CSMD1: variants seen among roughly 807,000 people sequenced by gnomAD.
CSMD1 encodes CUB and sushi domain-containing protein 1.
A neutral mutation model predicts 417.5 loss-of-function variants in CSMD1; 213 were observed. The observed-to-expected ratio is 0.51, with a 90% confidence interval of 0.46 to 0.57. The LOEUF is 0.57. Among genes scored for constraint, CSMD1 ranks in the 20% least tolerant of loss-of-function variants. The probability of loss-of-function intolerance (pLI) is 0.00; values close to 1 mark genes in which losing one functional copy is unlikely to be tolerated. For synonymous variants in CSMD1, 2,862 were observed against 1,736.8 expected (o/e 1.65, Z -16.11); for missense variants, 6,923 against 4,529.7 (o/e 1.53, Z -15.17).
chr8:3,568,628 C>A lies in CSMD1; in HGVS notation c.1344+6317G>T, dbSNP rs548651815. ...ATTTATCTTTATATGTATTTGAGAGCTATATAACAGAAACTTTTAACTTAG... is the reference window on the plus strand; with the variant it reads ...ATTTATCTTTATATGTATTTGAGAGATATATAACAGAAACTTTTAACTTAG... On this transcript the variant is annotated intron_variant, in intron 10 of 69. Transcript: ENST00000635120. Among the ~76,000 whole-genome samples, 11 of 152,076 alleles carry A rather than the reference C, an allele frequency of 7.2e-5. No individual in the cohort carries two copies. In the South Asian group the frequency reaches 1.9e-3, roughly 26 times the overall value.
chr8:4,105,471 T>C (rs1390744472), intron 3 of CSMD1, among the ~76,000 whole-genome samples: 1 of 152,240 alleles, frequency 6.6e-6, no homozygotes, highest in Non-Finnish European at 1.5e-5. Flanking sequence ...TAAATAATTA[T>C]ATACTGAGGA....
rs59307229 is a variant in CSMD1 at position 3,534,044 on chromosome 8, G to A, written c.1345-40318C>T. On this transcript the variant is annotated intron_variant, in intron 10 of 69. Coordinates refer to ENST00000635120, the MANE Select transcript of CSMD1 (RefSeq NM_033225.6). ...GAATATTCTATGAATAAAAGTCATTGCTTGAAGTTACTAGTTTTGACTTCC... is the reference window on the plus strand; with the variant it reads ...GAATATTCTATGAATAAAAGTCATTACTTGAAGTTACTAGTTTTGACTTCC... Among the ~76,000 whole-genome samples the A allele has an allele frequency of 8.1e-3, 1,235 of 152,234 alleles. 18 individuals are homozygous for A. Among genetic ancestry groups the A allele is most frequent in the African/African-American group, 0.029 (1,204 of 41,538 alleles).
At position 3,824,321 on chromosome 8, in the gene CSMD1, A is replaced by G. The variant is rs184269712; in HGVS notation, c.819-70279T>C. On this transcript the variant is annotated intron_variant, in intron 5 of 69. Transcript: ENST00000635120. ...CAAACGGGCACAACAGCCTAGGAAT[A>G]CTGAGAGGTTGCCAGATACTATGTG... Among the ~76,000 whole-genome samples, 450 of 152,324 alleles carry G rather than the reference A, an allele frequency of 3.0e-3. 1 individual carries two copies. Among genetic ancestry groups the G allele is most frequent in the Non-Finnish European group, 4.4e-3 (297 of 68,032 alleles).
chr8:3,175,461 TCC>T (rs1820853547), intron 37 of CSMD1, among the ~76,000 whole-genome samples: 1 of 106,792 alleles, frequency 9.4e-6, no homozygotes, highest in Non-Finnish European at 2.1e-5. Flanking sequence ...CTTCCTTCTT[TCC>T]TTCCTTCTTT....
chr8:4,837,212 G>T (rs1435811563), intron 1 of CSMD1, among the ~76,000 whole-genome samples: 2 of 152,104 alleles, frequency 1.3e-5, no homozygotes, highest in African/African-American at 4.8e-5. Flanking sequence ...ATACTATTGG[G>T]AAGAATGTAA....
In CSMD1 at chr8:4,218,315, G is replaced by C. The variant is rs1224658334; in HGVS notation, c.416-186216C>G. 2.0e-5 allele frequency among the ~76,000 whole-genome samples: 3 copies of C among 152,216 alleles called. No homozygotes were observed. The East Asian group carries it at 5.8e-4, about 29-fold the overall frequency. On this transcript the variant is annotated intron_variant, in intron 3 of 69. Coordinates refer to ENST00000635120, the MANE Select transcript of CSMD1 (RefSeq NM_033225.6). ...GACTTTCCTATACTGTGAATTCTTA[G>C]CCTATTCATTAATGCAGAATATTCA...
chr8:3,394,000 T>TAATAATA (rs1181919840), intron 17 of CSMD1, among the ~76,000 whole-genome samples: 1 of 29,418 alleles, frequency 3.4e-5, no homozygotes, highest in Non-Finnish European at 8.2e-5. Flanking sequence ...ATAATAATAA[T>TAATAATA]AAAAAAATAA....
intron 18 of CSMD1, among the ~76,000 whole-genome samples, chr8:3,385,461 G>C (rs1414188855): frequency 6.6e-6 from 1 of 151,704 alleles, no homozygotes; most frequent in Non-Finnish European, 1.5e-5. Flanking sequence ...GTTGCTAAAA[G>C]TCAACTATCT....
chr8:4,213,149 A>G (rs537283758), intron 3 of CSMD1, among the ~76,000 whole-genome samples: 1 of 152,254 alleles, frequency 6.6e-6, no homozygotes, highest in East Asian at 1.9e-4. Flanking sequence ...AAAATTTCTT[A>G]CTAGGATATA....
At chr8:3,987,780 C>A (rs1033029514) in intron 5 of CSMD1, among the ~76,000 whole-genome samples, 1 of 152,222 alleles carries the variant, frequency 6.6e-6, no homozygotes, top group African/African-American at 2.4e-5. Context: ...AAAGCAGGCT[C>A]TGCGCCACGT....
chr8:3,820,963 C>G (rs1239802453), intron 5 of CSMD1, among the ~76,000 whole-genome samples: 1 of 151,980 alleles, frequency 6.6e-6, no homozygotes, highest in African/African-American at 2.4e-5. Flanking sequence ...GCTGCCCAAG[C>G]TGGAGTGCAA....
intron 5 of CSMD1, among the ~76,000 whole-genome samples, chr8:3,929,225 A>T (rs1408963163): frequency 6.7e-6 from 1 of 150,358 alleles, no homozygotes; most frequent in African/African-American, 2.5e-5. Flanking sequence ...TCTTACATAA[A>T]GGAGGTGTTT....
At position 4,621,950 on chromosome 8, in the gene CSMD1, C is replaced by A. The variant is rs531456861; in HGVS notation, c.302+15392G>T. ...AAAAATACTACCATTTTAATTGATG[C>A]CAAAATCATATGAAAAAATTACATA... is the stretch of plus-strand genomic sequence containing the variant. On this transcript the variant is annotated intron_variant, in intron 2 of 69. Coordinates refer to ENST00000635120, the MANE Select transcript of CSMD1 (RefSeq NM_033225.6). Among the ~76,000 whole-genome samples, 42 of 151,818 alleles carry A rather than the reference C, an allele frequency of 2.8e-4. No individual in the cohort carries two copies. The South Asian group carries it at 7.7e-3, about 28-fold the overall frequency.
At chr8:4,916,713 T>A (rs1563757812) in intron 1 of CSMD1, among the ~76,000 whole-genome samples, 1 of 152,216 alleles carries the variant, frequency 6.6e-6, no homozygotes, top group Non-Finnish European at 1.5e-5. Context: ...TAAGGCACCA[T>A]AACTATTGTG....
At chr8:4,298,313 C>G (rs982887495) in intron 3 of CSMD1, among the ~76,000 whole-genome samples, 1 of 152,128 alleles carries the variant, frequency 6.6e-6, no homozygotes, top group South Asian at 2.1e-4. Flanking sequence ...TACTGTTATT[C>G]TCAGTTGTCC....
In CSMD1 at chr8:2,998,154, G is replaced by C; in HGVS notation, c.8234C>G (p.Ala2745Gly). The change falls in exon 54 of 70, where the codon GCC becomes GGC. Residue 2745 changes from alanine to glycine, a missense_variant. Physicochemically the swap from Ala to Gly is moderately conservative, Grantham distance 60. Transcript: ENST00000635120. ...PITCGHPGNP[A>G]HGFTNGSEFN... ...CTCACTGCCATTAGTGAATCCGTGG[G>C]CAGGGTTTCCAGGGTGACCACATGT... 6.2e-7 allele frequency: 1 copy of C among 1,614,010 alleles called. No homozygotes were observed. The highest frequency in any genetic ancestry group is 1.1e-5 in the South Asian group (1 of 91,084).
chr8:3,195,148 G>A (rs1286945390), intron 33 of CSMD1, among the ~76,000 whole-genome samples: 1 of 152,140 alleles, frequency 6.6e-6, no homozygotes, highest in Non-Finnish European at 1.5e-5. Context: ...AAAACAGCCA[G>A]GCATAAATAT....
At chr8:4,965,131 G>A (rs765227784) in intron 1 of CSMD1, among the ~76,000 whole-genome samples, 1 of 152,132 alleles carries the variant, frequency 6.6e-6, no homozygotes, top group African/African-American at 2.4e-5. Flanking sequence ...CTGTTCTGAA[G>A]ATACAAGCAA....
Position 3,160,609 on chromosome 8 carries a change from A to T in CSMD1, c.5844+1550T>A, listed in dbSNP as rs1443738636. Among the ~76,000 whole-genome samples, 4 of 152,328 alleles carry T rather than the reference A, an allele frequency of 2.6e-5. No individual in the cohort carries two copies. The East Asian group carries it at 7.7e-4, about 29-fold the overall frequency. On this transcript the variant is annotated intron_variant, in intron 38 of 69. Transcript: ENST00000635120. ...CCAATCTTTTTGCAGAGTTACAATT[A>T]TTGTGGTACCCACCAAGATGGTGTT... is the stretch of plus-strand genomic sequence containing the variant.
Sources: allele counts gnomAD v4.1 joint callset (sites outside exome capture counted in the v4.1 genomes callset), GRCh38; gene constraint gnomAD v4.1.1; transcripts MANE v1.5; gene names NCBI Gene and HGNC (gene_info 2026-07-23, HGNC 2026-07-21).